The following NPNT variants were observed in gnomAD, a reference collection of about 807,000 sequenced individuals.
The protein encoded by NPNT is preosteoblast EGF-like repeat protein with MAM domain.
A neutral mutation model predicts 68.6 loss-of-function variants in NPNT; 45 were observed. That is an observed-to-expected ratio of 0.66 (90% CI 0.52 to 0.84). The LOEUF (loss-of-function observed/expected upper bound fraction) is 0.84. Ranked by LOEUF, NPNT falls within the 40% of genes least tolerant of loss-of-function variation. The pLI is 0.00. For synonymous variants in NPNT, 233 were observed against 253.3 expected (o/e 0.92, Z 0.76); for missense variants, 672 against 714.8 (o/e 0.94, Z 0.68).
chr4:105,926,529 C>T (rs940490987), intron 2 of NPNT, among the ~76,000 whole-genome samples: 2 of 152,090 alleles, frequency 1.3e-5, no homozygotes, highest in African/African-American at 2.4e-5. Context: ...AAAATGTCTC[C>T]AGACATTTCC....
intron 2 of NPNT, among the ~76,000 whole-genome samples, chr4:105,915,999 CT>C (rs1327680764): frequency 6.6e-6 from 1 of 151,982 alleles, no homozygotes; most frequent in South Asian, 2.1e-4. Context: ...GTTGTAAGTT[CT>C]TGAAAAAAAA....
chr4:105,901,624 G>C (rs1029920476), intron 2 of NPNT, among the ~76,000 whole-genome samples: 1 of 152,188 alleles, frequency 6.6e-6, no homozygotes, highest in Non-Finnish European at 1.5e-5. Context: ...TGTGAATTAG[G>C]ATGGTTTTGT....
intron 10 of NPNT, among the ~76,000 whole-genome samples, chr4:105,959,523 CTTT>C (rs1014448942): frequency 7.7e-6 from 1 of 129,616 alleles, no homozygotes; most frequent in Non-Finnish European, 1.7e-5. Context: ...TTTTTCTTTT[CTTT>C]TTTTTTTTTT....
intron 8 of NPNT, among the ~76,000 whole-genome samples, chr4:105,952,129 C>T (rs1730884282): frequency 6.6e-6 from 1 of 152,162 alleles, no homozygotes; most frequent in Non-Finnish European, 1.5e-5. Flanking sequence ...ACATTTCCTA[C>T]TTAATTCATA....
At chr4:105,923,875 A>G (rs558637835) in intron 2 of NPNT, among the ~76,000 whole-genome samples, 4 of 152,286 alleles carry the variant, frequency 2.6e-5, no homozygotes, top group South Asian at 2.1e-4. Flanking sequence ...TTTAAAAGCC[A>G]TTCTATATTA....
At chr4:105,951,973 TA>T (rs1354654636) in intron 8 of NPNT, among the ~76,000 whole-genome samples, 3 of 152,230 alleles carry the variant, frequency 2.0e-5, no homozygotes, top group African/African-American at 7.2e-5. Flanking sequence ...ATAGTAATAG[TA>T]TCTACCTCAT....
chr4:105,896,736 G>A (rs1321040817), intron 1 of NPNT, among the ~76,000 whole-genome samples: 2 of 152,142 alleles, frequency 1.3e-5, no homozygotes, highest in Admixed American at 1.3e-4. Flanking sequence ...GTACCCGGAG[G>A]CGAACGGAGG....
intron 10 of NPNT, among the ~76,000 whole-genome samples, chr4:105,964,037 T>G (rs1426712569): frequency 6.6e-6 from 1 of 152,124 alleles, no homozygotes; most frequent in Non-Finnish European, 1.5e-5. Context: ...CCAGAATACC[T>G]GGTCTGGAAC....
chr4:105,896,174 G>A (rs1340869316), intron 1 of NPNT, among the ~76,000 whole-genome samples: 2 of 152,200 alleles, frequency 1.3e-5, no homozygotes, highest in African/African-American at 4.8e-5. Context: ...TCTCGGGGCC[G>A]CTCACACAGA....
intron 2 of NPNT, among the ~76,000 whole-genome samples, chr4:105,924,686 G>A (rs955231515): frequency 3.9e-5 from 6 of 152,262 alleles, no homozygotes; most frequent in African/African-American, 1.4e-4. Flanking sequence ...AAAAACTTTG[G>A]TCCTATAAAG....
intron 1 of NPNT, among the ~76,000 whole-genome samples, chr4:105,897,378 T>G (rs1187731315): frequency 6.6e-6 from 1 of 152,212 alleles, no homozygotes. Flanking sequence ...CAGTTATGTC[T>G]CAAAAAGAGC....
At chr4:105,922,389 ATTTTT>A (rs34610550) in intron 2 of NPNT, among the ~76,000 whole-genome samples, 13 of 139,414 alleles carry the variant, frequency 9.3e-5, no homozygotes, top group African/African-American at 3.1e-4. Context: ...TAAGATGGAT[ATTTTT>A]TTTTTTTTTT....
At chr4:105,950,940 T>C (rs997703333) in intron 8 of NPNT, among the ~76,000 whole-genome samples, 1 of 152,192 alleles carries the variant, frequency 6.6e-6, no homozygotes, top group Non-Finnish European at 1.5e-5. Context: ...GTCTTTAATG[T>C]GTACACAAAT....
chr4:105,935,682 A>T (rs1337114169), intron 3 of NPNT, among the ~76,000 whole-genome samples: 1 of 152,212 alleles, frequency 6.6e-6, no homozygotes, highest in African/African-American at 2.4e-5. Flanking sequence ...TGGTTTATTT[A>T]TTTAACCTTT....
At chr4:105,903,004 A>G (rs1353203717) in intron 2 of NPNT, among the ~76,000 whole-genome samples, 1 of 152,206 alleles carries the variant, frequency 6.6e-6, no homozygotes, top group Non-Finnish European at 1.5e-5. Flanking sequence ...GGCCAGGCCA[A>G]CTAAAGGGAA....
At chr4:105,937,415 C>T (rs563102758) in intron 4 of NPNT, among the ~76,000 whole-genome samples, 14 of 146,384 alleles carry the variant, frequency 9.6e-5, no homozygotes, top group African/African-American at 3.5e-4. Context: ...CATGTTTACC[C>T]ATGTCTTCTA....
chr4:105,914,967 G>T (rs986208003), intron 2 of NPNT, among the ~76,000 whole-genome samples: 1 of 152,150 alleles, frequency 6.6e-6, no homozygotes, highest in Non-Finnish European at 1.5e-5. Flanking sequence ...AGTTGTAGAG[G>T]AACACTGTAA....
intron 2 of NPNT, among the ~76,000 whole-genome samples, chr4:105,924,402 G>A (rs1728522668): frequency 6.6e-6 from 1 of 151,998 alleles, no homozygotes; most frequent in Non-Finnish European, 1.5e-5. Flanking sequence ...GTTTCCAAAG[G>A]GTTTTCTTTT....
intron 2 of NPNT, chr4:105,911,648 G>T (rs1218908299): frequency 6.5e-6 from 1 of 153,914 alleles, no homozygotes; most frequent in African/African-American, 2.4e-5. Context: ...CATGCAAGAA[G>T]AAAATGCTGT....
Sources: allele counts gnomAD v4.1 joint callset (sites outside exome capture counted in the v4.1 genomes callset), GRCh38; gene constraint gnomAD v4.1.1; transcripts MANE v1.5; gene names NCBI Gene and HGNC (gene_info 2026-07-23, HGNC 2026-07-21).